The following HDAC9 variants were observed in gnomAD, a reference collection of about 807,000 sequenced individuals.
HDAC9 encodes MEF-2 interacting transcription repressor (MITR) protein.
HDAC9 carries 41 observed loss-of-function variants against 139.4 expected under a neutral mutation model. That is an observed-to-expected ratio of 0.29 (90% CI 0.23 to 0.38). The LOEUF (loss-of-function observed/expected upper bound fraction) is 0.38, where lower values mean the gene tolerates loss of function less well. Among genes scored for constraint, HDAC9 ranks in the 10% least tolerant of loss-of-function variants. The pLI is 1.00. For synonymous variants in HDAC9, 517 were observed against 476.2 expected (o/e 1.09, Z -1.12); for missense variants, 1,147 against 1,297.0 (o/e 0.88, Z 1.78).
intron 14 of HDAC9, among the ~76,000 whole-genome samples, chr7:18,750,933 A>G (rs1788389652): frequency 6.6e-6 from 1 of 152,132 alleles, no homozygotes; most frequent in South Asian, 2.1e-4. Context: ...CCTGGTCCTA[A>G]CTACTTCAAA....
chr7:18,550,551 C>T (rs1816779107), intron 2 of HDAC9, among the ~76,000 whole-genome samples: 1 of 152,040 alleles, frequency 6.6e-6, no homozygotes, highest in Admixed American at 6.5e-5. Context: ...TTAGTGAGTG[C>T]TATGGAATAA....
intron 12 of HDAC9, among the ~76,000 whole-genome samples, chr7:18,696,472 T>C (rs1207340141): frequency 2.0e-5 from 3 of 149,464 alleles, no homozygotes; most frequent in African/African-American, 4.9e-5. Flanking sequence ...TTTCTTTTTT[T>C]GCTTTTTTTT....
intron 6 of HDAC9, among the ~76,000 whole-genome samples, chr7:18,626,185 G>A (rs1473586059): frequency 6.6e-6 from 1 of 152,114 alleles, no homozygotes; most frequent in Non-Finnish European, 1.5e-5. Flanking sequence ...GTGCTGGAGA[G>A]CTGGAGCCCT....
chr7:18,237,316 A>G (rs1301120484), intron 2 of HDAC9, among the ~76,000 whole-genome samples: 2 of 152,230 alleles, frequency 1.3e-5, no homozygotes, highest in Non-Finnish European at 1.5e-5. Context: ...TAACTGACAT[A>G]GTAATTTAAT....
chr7:18,340,555 A>G (rs1481124411), intron 1 of HDAC9, among the ~76,000 whole-genome samples: 3 of 151,474 alleles, frequency 2.0e-5, no homozygotes, highest in African/African-American at 7.3e-5. Context: ...TTGTTACTTC[A>G]GGATTTATAG....
At chr7:18,844,107 G>A (rs115826386) in intron 21 of HDAC9, among the ~76,000 whole-genome samples, 1,964 of 152,210 alleles carry the variant, frequency 0.013, 46 homozygotes, top group African/African-American at 0.045. Flanking sequence ...ATCTGTTTTC[G>A]TTTAGGCAGA....
At chr7:18,249,505 A>G (rs1173675139) in intron 2 of HDAC9, among the ~76,000 whole-genome samples, 2 of 41,844 alleles carry the variant, frequency 4.8e-5, no homozygotes, top group South Asian at 1.3e-3. Context: ...TCTGTCTCAA[A>G]AAAAAAAAAA....
intron 13 of HDAC9, among the ~76,000 whole-genome samples, chr7:18,744,783 G>A (rs953177133): frequency 6.6e-6 from 1 of 151,998 alleles, no homozygotes; most frequent in Admixed American, 6.6e-5. Context: ...ATAAGACTGA[G>A]AGAAAGAGAA....
At chr7:18,563,769 G>A (rs1821368204) in intron 2 of HDAC9, among the ~76,000 whole-genome samples, 1 of 149,024 alleles carries the variant, frequency 6.7e-6, no homozygotes, top group Non-Finnish European at 1.5e-5. Flanking sequence ...TATACTTTAA[G>A]TTCTAGGGTA....
At chr7:18,547,919 C>G (rs1036506654) in intron 2 of HDAC9, among the ~76,000 whole-genome samples, 5 of 144,588 alleles carry the variant, frequency 3.5e-5, no homozygotes, top group Non-Finnish European at 6.1e-5. Flanking sequence ...CTCCCTCCCT[C>G]TCTCCCTCCC....
chr7:18,300,784 G>C (rs58946699), intron 1 of HDAC9, among the ~76,000 whole-genome samples: 20 of 152,176 alleles, frequency 1.3e-4, no homozygotes, highest in African/African-American at 4.6e-4. Context: ...AATAAATTTT[G>C]CATATATTCT....
intron 2 of HDAC9, among the ~76,000 whole-genome samples, chr7:18,530,910 G>A (rs1808716028): frequency 6.6e-6 from 1 of 151,590 alleles, no homozygotes; most frequent in Admixed American, 6.6e-5. Flanking sequence ...GGCTTACAGT[G>A]AAAAGAAATT....
rs777899148 is a variant in HDAC9 at position 18,721,732 on chromosome 7, G to GCAAAA, written c.1732-5825_1732-5821dup. 1.5e-3 allele frequency among the ~76,000 whole-genome samples: 231 copies of GCAAAA among 151,810 alleles called. 1 individual carries two copies. The highest frequency in any genetic ancestry group is 6.4e-3 in the East Asian group (33 of 5,180). ...TGTGCGATAGCAACAAGAAAGCAAA[G>GCAAAA]CAAAACAAAACAAAACAAAACAAAA... On this transcript the variant is annotated intron_variant, in intron 12 of 25. Coordinates refer to ENST00000686413, the MANE Select transcript of HDAC9 (RefSeq NM_178425.4).
chr7:18,914,314 G>A (rs1424713289), intron 22 of HDAC9, among the ~76,000 whole-genome samples: 1 of 151,616 alleles, frequency 6.6e-6, no homozygotes, highest in African/African-American at 2.4e-5. Flanking sequence ...TGTTACAGCA[G>A]CCCAGACAGA....
intron 12 of HDAC9, among the ~76,000 whole-genome samples, chr7:18,698,775 G>A (rs532263988): frequency 6.6e-6 from 1 of 152,254 alleles, no homozygotes; most frequent in South Asian, 2.1e-4. Context: ...TTGCATTCAG[G>A]GAGGAGGCAA....
At chr7:18,990,906 C>T (rs549832257) in intron 25 of HDAC9, among the ~76,000 whole-genome samples, 96 of 152,332 alleles carry the variant, frequency 6.3e-4, no homozygotes, top group Admixed American at 1.0e-3. Context: ...CTTGGGCTCG[C>T]GCATGGAGCG....
chr7:18,516,401 T>C (rs1308280018), intron 2 of HDAC9, among the ~76,000 whole-genome samples: 1 of 152,236 alleles, frequency 6.6e-6, no homozygotes, highest in Non-Finnish European at 1.5e-5. Flanking sequence ...CTGGTGTTTT[T>C]AGAGTTGTGA....
At chr7:18,536,045 C>T (rs940437399) in intron 2 of HDAC9, among the ~76,000 whole-genome samples, 13 of 152,122 alleles carry the variant, frequency 8.5e-5, no homozygotes, top group African/African-American at 2.9e-4. Flanking sequence ...CTCTCTTTGC[C>T]TCAGAGCTTT....
chr7:18,175,210 C>G (rs1788791948), intron 2 of HDAC9, among the ~76,000 whole-genome samples: 1 of 152,096 alleles, frequency 6.6e-6, no homozygotes, highest in Admixed American at 6.5e-5. Context: ...AGGTCCATCT[C>G]AGATTGCCAC....
Sources: allele counts gnomAD v4.1 joint callset (sites outside exome capture counted in the v4.1 genomes callset), GRCh38; gene constraint gnomAD v4.1.1; transcripts MANE v1.5; gene names NCBI Gene and HGNC (gene_info 2026-07-23, HGNC 2026-07-21).